CTNND2: variants seen among roughly 807,000 people sequenced by gnomAD.
The protein encoded by CTNND2 is catenin delta 2.
In CTNND2, 22 loss-of-function variants were observed where a neutral mutation model predicts 144.4. The observed-to-expected ratio is 0.15, with a 90% CI of 0.11 to 0.22. CTNND2 has a LOEUF of 0.22. Among genes scored for constraint, CTNND2 ranks in the 10% least tolerant of loss-of-function variants. CTNND2 has a pLI of 1.00. For missense variants in CTNND2, 1,353 were observed against 1,618.8 expected (o/e 0.84, Z 2.82); for synonymous variants, 751 against 695.6 (o/e 1.08, Z -1.25).
At chr5:11,847,126 TTTTATATATATATATATATA>T (rs869124086) in intron 1 of CTNND2, among the ~76,000 whole-genome samples, 8,993 of 105,462 alleles carry the variant, frequency 0.085, 1,078 homozygotes, top group African/African-American at 0.26. Context: ...ATGTCAAAGA[TTTTATATATATATATATATA>T]TATATATATA....
rs193007282 is a variant in CTNND2 at position 11,301,384 on chromosome 5, C to T, written c.1628+44988G>A. 3.8e-3 allele frequency among the ~76,000 whole-genome samples: 581 copies of T among 152,104 alleles called. 3 individuals carry two copies. The highest frequency in any genetic ancestry group is 0.013 in the African/African-American group (557 of 41,484). ...TCTGGAATGCCCTCAGCTGGAGTCA[C>T]TGAAATGAACTAGGGAAAAAACAAA... On this transcript the variant is annotated intron_variant, in intron 9 of 21. Transcript: ENST00000304623.
At chr5:11,336,894 G>A (rs930875229) in intron 9 of CTNND2, among the ~76,000 whole-genome samples, 9 of 151,894 alleles carry the variant, frequency 5.9e-5, no homozygotes, top group Admixed American at 3.3e-4. Context: ...AAAGTCTAAG[G>A]CTGTCAAGAT....
intron 16 of CTNND2, among the ~76,000 whole-genome samples, chr5:11,057,931 CT>C (rs1409477764): frequency 1.4e-4 from 21 of 152,134 alleles, no homozygotes; most frequent in Admixed American, 1.4e-3. Context: ...GAATTTGCCC[CT>C]GCCCTAGAGA....
At chr5:11,342,987 T>C (rs1356931656) in intron 9 of CTNND2, among the ~76,000 whole-genome samples, 1 of 152,144 alleles carries the variant, frequency 6.6e-6, no homozygotes, top group African/African-American at 2.4e-5. Flanking sequence ...TCTTAGCAAA[T>C]GGGGCTGTAA....
chr5:11,864,616 C>G (rs1795654558), intron 1 of CTNND2, among the ~76,000 whole-genome samples: 1 of 152,166 alleles, frequency 6.6e-6, no homozygotes, highest in East Asian at 1.9e-4. Flanking sequence ...CTTTCTCAGC[C>G]ACAGGACTGC....
At chr5:11,851,258 TAC>T (rs974606402) in intron 1 of CTNND2, among the ~76,000 whole-genome samples, 1 of 76,464 alleles carries the variant, frequency 1.3e-5, no homozygotes, top group African/African-American at 4.6e-5. Flanking sequence ...ATCTCTCTAA[TAC>T]ATGCGTGTGT....
intron 3 of CTNND2, among the ~76,000 whole-genome samples, chr5:11,461,020 G>T (rs188207565): frequency 6.6e-6 from 1 of 151,676 alleles, no homozygotes; most frequent in Admixed American, 6.6e-5. Context: ...CTGCATTCTG[G>T]CGACAGAGCG....
chr5:10,997,557 A>G (rs1309615672), intron 18 of CTNND2, among the ~76,000 whole-genome samples: 1 of 151,164 alleles, frequency 6.6e-6, no homozygotes, highest in East Asian at 1.9e-4. Flanking sequence ...ACACCACTGC[A>G]CTCCAGCCTG....
intron 2 of CTNND2, among the ~76,000 whole-genome samples, chr5:11,637,230 T>C (rs963885140): frequency 6.6e-6 from 1 of 152,200 alleles, no homozygotes; most frequent in African/African-American, 2.4e-5. Context: ...ATAGAGGGAA[T>C]GTGTATCTCC....
intron 2 of CTNND2, among the ~76,000 whole-genome samples, chr5:11,726,479 A>T (rs959884500): frequency 3.3e-5 from 5 of 151,972 alleles, no homozygotes; most frequent in Admixed American, 1.3e-4. Flanking sequence ...TTTTCAAAAT[A>T]AAAAAAACCC....
chr5:10,987,790 C>A (rs1430843287), intron 20 of CTNND2, among the ~76,000 whole-genome samples: 1 of 150,282 alleles, frequency 6.7e-6, no homozygotes, highest in Admixed American at 6.7e-5. Context: ...TCCATCGAGT[C>A]CCCTCCCCAG....
At chr5:11,240,730 GCA>G (rs780270727) in intron 9 of CTNND2, among the ~76,000 whole-genome samples, 138 of 81,338 alleles carry the variant, frequency 1.7e-3, no homozygotes, top group Admixed American at 6.1e-3. Flanking sequence ...CACACACTCA[GCA>G]CACACACACC....
At chr5:11,659,261 T>C (rs1783064401) in intron 2 of CTNND2, among the ~76,000 whole-genome samples, 2 of 152,160 alleles carry the variant, frequency 1.3e-5, no homozygotes, top group African/African-American at 4.8e-5. Flanking sequence ...TACAGGAGAA[T>C]GTGCATAGGT....
chr5:11,767,213 G>A (rs555494880), intron 1 of CTNND2, among the ~76,000 whole-genome samples: 9 of 152,222 alleles, frequency 5.9e-5, no homozygotes, highest in African/African-American at 2.2e-4. Context: ...TCCTAGAATT[G>A]AGTAATGTGC....
intron 1 of CTNND2, among the ~76,000 whole-genome samples, chr5:11,794,731 C>G (rs184078523): frequency 8.3e-4 from 127 of 152,296 alleles, no homozygotes; most frequent in Non-Finnish European, 1.0e-3. Flanking sequence ...CATCTTTTCT[C>G]CCACGTATGA....
chr5:11,632,761 T>C (rs777233607), intron 2 of CTNND2, among the ~76,000 whole-genome samples: 2 of 152,118 alleles, frequency 1.3e-5, no homozygotes, highest in African/African-American at 2.4e-5. Context: ...GAATATATTA[T>C]GATGACTCAC....
chr5:11,110,046 T>G (rs970408413), intron 14 of CTNND2, among the ~76,000 whole-genome samples: 1 of 152,202 alleles, frequency 6.6e-6, no homozygotes, highest in Non-Finnish European at 1.5e-5. Flanking sequence ...GCCCTGAAGT[T>G]AACCGCTGTT....
In CTNND2 at chr5:11,522,148, C is replaced by CA. The variant is rs559412191; in HGVS notation, c.287+42795dup. 2.4e-3 allele frequency among the ~76,000 whole-genome samples: 367 copies of CA among 152,288 alleles called. 2 individuals are homozygous for CA. Among genetic ancestry groups the CA allele is most frequent in the African/African-American group, 8.4e-3 (350 of 41,572 alleles). The stretch of plus-strand genomic sequence containing the variant: ...AAATAGGTAACTGTTAAATAGAGAG[C>CA]ACTTATTTAATTTGGTCACTTAACA... On this transcript the variant is annotated intron_variant, in intron 3 of 21. Transcript: ENST00000304623.
At chr5:11,281,597 T>C (rs1004168759) in intron 9 of CTNND2, among the ~76,000 whole-genome samples, 3 of 152,208 alleles carry the variant, frequency 2.0e-5, no homozygotes, top group African/African-American at 7.2e-5. Context: ...ATAAACAACA[T>C]AGATTTGTTT....
Sources: gnomAD v4.1 joint callset for allele counts (sites outside exome capture counted in the v4.1 genomes callset) on GRCh38, gnomAD v4.1.1 for gene constraint, MANE v1.5 for transcripts, NCBI Gene and HGNC (gene_info 2026-07-23, HGNC 2026-07-21) for gene names.